AP1S3: variants seen among roughly 807,000 people sequenced by gnomAD.
The protein encoded by AP1S3 is AP-1 complex subunit sigma-3.
Under a neutral mutation model 20.9 loss-of-function variants are expected in AP1S3, and 10 were observed. That is an observed-to-expected ratio of 0.48 (90% CI 0.29 to 0.81). AP1S3 has a LOEUF of 0.81. Among genes scored for constraint, AP1S3 ranks in the 30% least tolerant of loss-of-function variants. The pLI is 0.08. For synonymous variants in AP1S3, 41 were observed against 61.5 expected (o/e 0.67, Z 1.56); for missense variants, 154 against 183.8 (o/e 0.84, Z 0.94).
At position 223,783,824 on chromosome 2, in the gene AP1S3, TCAGA is replaced by T. The variant is rs556847083; in HGVS notation, c.4-5959_4-5956del. Among the ~76,000 whole-genome samples the T allele has an allele frequency of 3.1e-3, 467 of 152,278 alleles. 2 individuals carry two copies. The highest frequency in any genetic ancestry group is 0.01 in the African/African-American group (428 of 41,566). ...GCTCGTATCTCAGGACCTGAGCTGCTCAGACAAATACTCAGGCTGTGATTGGCCC... is the reference window on the plus strand; with the variant it reads ...GCTCGTATCTCAGGACCTGAGCTGCTCAAATACTCAGGCTGTGATTGGCCC... On this transcript the variant is annotated intron_variant, in intron 1 of 4. Coordinates refer to ENST00000396654, the MANE Select transcript of AP1S3 (RefSeq NM_001039569.2).
chr2:223,758,044 A>T lies in AP1S3; in HGVS notation c.*671T>A, dbSNP rs1024799225. 17 of 979,726 alleles carry T rather than the reference A, an allele frequency of 1.7e-5. No homozygotes were observed. The highest frequency in any genetic ancestry group is 5.2e-4 in the Middle Eastern group (1 of 1,920). The allele number at this position is 979,726 out of a possible 1,614,324, so 60.7% of individuals were successfully genotyped here. A position where few individuals can be genotyped will look rare whatever the true frequency, so the allele number is the denominator to read the frequency against. The stretch of plus-strand genomic sequence containing the variant: ...ATTGGAATGTCCCTTATATTCAATT[A>T]AAAGATAAATTAAAACCTCAGTCAA... On this transcript the variant is annotated 3_prime_UTR_variant, in exon 5 of 5. Transcript: ENST00000396654.
At chr2:223,809,838 C>A (rs1226806305) in intron 1 of AP1S3, among the ~76,000 whole-genome samples, 2 of 151,252 alleles carry the variant, frequency 1.3e-5, no homozygotes, top group South Asian at 2.1e-4. Flanking sequence ...AAGCGATTCT[C>A]CTGCCTCAGC....
At chr2:223,837,357 G>A in intron 1 of AP1S3, 91 bp downstream of exon 1, 3 of 683,346 alleles carry the variant, frequency 4.4e-6, no homozygotes, top group Non-Finnish European at 4.0e-6. Flanking sequence ...ACCCCCACCC[G>A]GCCGCGCGCC....
intron 1 of AP1S3, among the ~76,000 whole-genome samples, chr2:223,788,156 A>G (rs1691119652): frequency 6.6e-6 from 1 of 151,776 alleles, no homozygotes; most frequent in African/African-American, 2.4e-5. Context: ...CATGTTGGCC[A>G]GGCTGGTCCC....
intron 2 of AP1S3, chr2:223,776,217 T>C: frequency 1.5e-6 from 1 of 662,672 alleles, no homozygotes; most frequent in Non-Finnish European, 2.8e-6. Flanking sequence ...TTCCATTAAT[T>C]ACGCATGAAA....
At chr2:223,780,132 C>G (rs1049831465) in intron 1 of AP1S3, among the ~76,000 whole-genome samples, 1 of 151,448 alleles carries the variant, frequency 6.6e-6, no homozygotes. Flanking sequence ...TCACCACCAC[C>G]CCCTGGCCCC....
intron 1 of AP1S3, among the ~76,000 whole-genome samples, chr2:223,783,230 C>T (rs1324551272): frequency 6.6e-6 from 1 of 152,150 alleles, no homozygotes; most frequent in African/African-American, 2.4e-5. Flanking sequence ...GCTGTAACAT[C>T]CAGGGAGGCG....
chr2:223,813,344 G>A (rs547064341), intron 1 of AP1S3, among the ~76,000 whole-genome samples: 4 of 152,224 alleles, frequency 2.6e-5, no homozygotes, highest in South Asian at 2.1e-4. Context: ...CAGCCTCTCC[G>A]TGACAAATAA....
intron 1 of AP1S3, among the ~76,000 whole-genome samples, chr2:223,821,269 C>T (rs1691981557): frequency 6.6e-6 from 1 of 152,214 alleles, no homozygotes; most frequent in Non-Finnish European, 1.5e-5. Flanking sequence ...GATTTTCCTG[C>T]CTTAGCCTCC....
At chr2:223,788,934 G>A (rs777854621) in intron 1 of AP1S3, among the ~76,000 whole-genome samples, 4 of 152,070 alleles carry the variant, frequency 2.6e-5, no homozygotes, top group African/African-American at 9.7e-5. Context: ...TCAAGAGACT[G>A]AATGATTCTT....
chr2:223,756,460 AG>A lies in AP1S3; in HGVS notation c.*2254del. 1 of 846,836 alleles carries A rather than the reference AG, an allele frequency of 1.2e-6. No homozygotes were observed. Among genetic ancestry groups the A allele is most frequent in the Non-Finnish European group, 1.4e-6 (1 of 703,170 alleles). 52.5% of individuals were successfully genotyped at this position (846,836 alleles called of 1,614,324 possible). A position where few individuals can be genotyped will look rare whatever the true frequency, so the allele number is the denominator to read the frequency against. ...GGAAGAAAGGAAGGAAAAGAAAGAA[AG>A]AAAGAAAAGAAAGAAAGAAAGAAAA... On this transcript the variant is annotated 3_prime_UTR_variant, in exon 5 of 5. Transcript: ENST00000396654.
At position 223,763,832 on chromosome 2, in the gene AP1S3, G is replaced by A. The variant is rs529983044; in HGVS notation, c.429+1381C>T. 1.2e-4 allele frequency among the ~76,000 whole-genome samples: 18 copies of A among 152,304 alleles called. No individual in the cohort carries two copies. The South Asian group carries it at 3.5e-3, about 30-fold the overall frequency. ...CTAAAGATGCACCAAAACAGTTGCT[G>A]GGAATTCACACCTAATGGTGTTTTG... On this transcript the variant is annotated intron_variant, in intron 4 of 4. Transcript: ENST00000396654.
Position 223,755,765 on chromosome 2 carries a change from A to T in AP1S3, c.*2950T>A. On this transcript the variant is annotated 3_prime_UTR_variant, in exon 5 of 5. Coordinates refer to ENST00000396654, the MANE Select transcript of AP1S3 (RefSeq NM_001039569.2). ...AGGCTGGTCTCGAACTCCTGACCTCAGGTGATCTGCCGCCTTGACCTCCCA... is the reference window on the plus strand; with the variant it reads ...AGGCTGGTCTCGAACTCCTGACCTCTGGTGATCTGCCGCCTTGACCTCCCA... 1 of 857,928 alleles carries T rather than the reference A, an allele frequency of 1.2e-6. No homozygotes were observed. Among genetic ancestry groups the T allele is most frequent in the Non-Finnish European group, 1.4e-6 (1 of 713,916 alleles). 53.1% of individuals were successfully genotyped at this position (857,928 alleles called of 1,614,324 possible).
At chr2:223,828,528 C>A (rs1452873132) in intron 1 of AP1S3, among the ~76,000 whole-genome samples, 2 of 152,276 alleles carry the variant, frequency 1.3e-5, no homozygotes, top group African/African-American at 2.4e-5. Flanking sequence ...ACATGGCCCA[C>A]CTGCAACTTC....
rs2106070042 is a variant in AP1S3, at chr2:223,755,912, T to C, written c.*2803A>G. On this transcript the variant is annotated 3_prime_UTR_variant, in exon 5 of 5. Transcript: ENST00000396654. Reference sequence around the variant, plus strand: ...AACTAAAGTGTCTAATATGGAATTATCCAGAACATGTGTAGTATATTTGAA... The same window carrying C: ...AACTAAAGTGTCTAATATGGAATTACCCAGAACATGTGTAGTATATTTGAA... 1 of 985,448 alleles carries C rather than the reference T, an allele frequency of 1.0e-6. No homozygotes were observed. The highest frequency in any genetic ancestry group is 5.2e-4 in the Middle Eastern group (1 of 1,914). 61.0% of individuals were successfully genotyped at this position (985,448 alleles called of 1,614,324 possible).
At chr2:223,777,327 GGA>G (rs1690807065) in intron 2 of AP1S3, among the ~76,000 whole-genome samples, 1 of 152,138 alleles carries the variant, frequency 6.6e-6, no homozygotes, top group African/African-American at 2.4e-5. Flanking sequence ...CCCAGGAGGT[GGA>G]AGTTGCAGTG....
chr2:223,770,380 C>A (rs1690590163), intron 3 of AP1S3: 2 of 1,545,362 alleles, frequency 1.3e-6, no homozygotes, highest in Non-Finnish European at 1.7e-6. Flanking sequence ...CTTCTTATAC[C>A]CCACTTTGAC....
At chr2:223,815,420 C>T (rs528022825) in intron 1 of AP1S3, among the ~76,000 whole-genome samples, 1 of 152,046 alleles carries the variant, frequency 6.6e-6, no homozygotes, top group East Asian at 1.9e-4. Flanking sequence ...CCAGTCAGCC[C>T]TAAGTAATGA....
intron 1 of AP1S3, among the ~76,000 whole-genome samples, chr2:223,806,494 C>T (rs1167269565): frequency 2.6e-5 from 4 of 151,988 alleles, no homozygotes; most frequent in African/African-American, 9.7e-5. Context: ...CCATGTTAGC[C>T]AGGATGGTCT....
Sources: allele counts gnomAD v4.1 joint callset (sites outside exome capture counted in the v4.1 genomes callset), GRCh38; gene constraint gnomAD v4.1.1; transcripts MANE v1.5; gene names NCBI Gene and HGNC (gene_info 2026-07-23, HGNC 2026-07-21).